Variants in COL5A2 observed in about 807,000 individuals in gnomAD.
The protein encoded by COL5A2 is collagen type V alpha 2 chain.
A neutral mutation model predicts 208.2 loss-of-function variants in COL5A2; 23 were observed. The observed-to-expected ratio is 0.11, with a 90% CI of 0.08 to 0.16. The LOEUF (loss-of-function observed/expected upper bound fraction) is 0.16, where lower values mean the gene tolerates loss of function less well. Ranked by LOEUF, COL5A2 falls within the 10% of genes least tolerant of loss-of-function variation. COL5A2 has a pLI of 1.00. For missense variants in COL5A2, 1,590 were observed against 1,956.4 expected (o/e 0.81, Z 3.53); for synonymous variants, 625 against 628.5 (o/e 0.99, Z 0.08).
chr2:189,408,020 T>C, the COL5A2 span, among the ~76,000 whole-genome samples: 1 of 152,200 alleles, frequency 6.6e-6, no homozygotes, highest in Non-Finnish European at 1.5e-5. Context: ...TACTTCAGGC[T>C]GTTCAAACCA....
intron 1 of COL5A2, among the ~76,000 whole-genome samples, chr2:189,142,224 T>C (rs1470180448): frequency 6.6e-6 from 1 of 152,050 alleles, no homozygotes; most frequent in Non-Finnish European, 1.5e-5. Context: ...AGATTACTCT[T>C]CGAACTAGGT....
chr2:189,202,970 A>AT (rs1035159863), intron 1 of COL5A2, among the ~76,000 whole-genome samples: 2 of 152,112 alleles, frequency 1.3e-5, no homozygotes, highest in Non-Finnish European at 2.9e-5. Flanking sequence ...TCCTCTAAGT[A>AT]TTTTTTCCTA....
At position 189,201,807 on chromosome 2, in the gene COL5A2, T is replaced by A. The variant is rs77187630; in HGVS notation, c.-42+23341A>T. 1.2e-3 allele frequency among the ~76,000 whole-genome samples: 181 copies of A among 151,964 alleles called. 1 individual carries two copies. Among genetic ancestry groups the A allele is most frequent in the African/African-American group, 4.2e-3 (175 of 41,536 alleles). ...CAATAAAAATCAGAAGGCAGTGGAA[T>A]TCTCAAGAGATATGCTTTAGGAAGA... On this transcript the variant is annotated intron_variant, in intron 1 of 10. Transcript: ENST00000649966.
chr2:189,293,902 G>A, the COL5A2 span, among the ~76,000 whole-genome samples: 4,968 of 152,122 alleles, frequency 0.033, 121 homozygotes, highest in Non-Finnish European at 0.052. Context: ...TGGCTAACAC[G>A]GTGAAACCCC....
At chr2:189,096,784 T>C (rs2105681787) in intron 6 of COL5A2, among the ~76,000 whole-genome samples, 1 of 152,330 alleles carries the variant, frequency 6.6e-6, no homozygotes, top group African/African-American at 2.4e-5. Context: ...TGTAAAGGTA[T>C]TTCACTTGTC....
chr2:189,168,099 G>A (rs1688503339), intron 1 of COL5A2, among the ~76,000 whole-genome samples: 1 of 151,926 alleles, frequency 6.6e-6, no homozygotes, highest in African/African-American at 2.4e-5. Flanking sequence ...CACCACGCCT[G>A]GCTAAATTTT....
rs13407402 is a variant in COL5A2, at chr2:189,158,132, A to G, written c.97+21376T>C. On this transcript the variant is annotated intron_variant, in intron 1 of 53. Coordinates refer to ENST00000374866, the MANE Select transcript of COL5A2 (RefSeq NM_000393.5). ...ATCAGTAGATGAGTTACTAAGAATC[A>G]TTACAGTAATAGCTACAGATATGTG... Among the ~76,000 whole-genome samples, 522 of 152,196 alleles carry G rather than the reference A, an allele frequency of 3.4e-3. 3 individuals carry two copies. Among genetic ancestry groups the G allele is most frequent in the African/African-American group, 0.012 (494 of 41,584 alleles).
At chr2:189,362,156 C>T in the COL5A2 span, among the ~76,000 whole-genome samples, 1 of 152,008 alleles carries the variant, frequency 6.6e-6, no homozygotes, top group East Asian at 1.9e-4. Flanking sequence ...AATGAGAAGA[C>T]AACAATTTTA....
chr2:189,322,090 C>T, the COL5A2 span, among the ~76,000 whole-genome samples: 5 of 152,094 alleles, frequency 3.3e-5, no homozygotes, highest in Admixed American at 6.6e-5. Flanking sequence ...GCGTACATAA[C>T]GAAATGAAGG....
At position 189,173,165 on chromosome 2, in the gene COL5A2, G is replaced by T. The variant is rs540039101; in HGVS notation, c.97+6343C>A. On this transcript the variant is annotated intron_variant, in intron 1 of 53. Coordinates refer to ENST00000374866, the MANE Select transcript of COL5A2 (RefSeq NM_000393.5). ...TTTTTTGTATTTTTAGTAGAGACAG[G>T]GTTTCACCATGATGGCCAGGCTGGT... Among the ~76,000 whole-genome samples the T allele has an allele frequency of 4.6e-4, 69 of 151,528 alleles. 1 individual carries two copies. Among genetic ancestry groups the T allele is most frequent in the South Asian group, 4.2e-3 (20 of 4,806 alleles).
intron 1 of COL5A2, among the ~76,000 whole-genome samples, chr2:189,207,541 T>C (rs1451631479): frequency 6.6e-6 from 1 of 152,180 alleles, no homozygotes; most frequent in East Asian, 1.9e-4. Flanking sequence ...TTTGCAAAGA[T>C]CAATAACCTG....
chr2:189,150,166 C>T (rs1688116668), intron 1 of COL5A2, among the ~76,000 whole-genome samples: 1 of 152,162 alleles, frequency 6.6e-6, no homozygotes, highest in Admixed American at 6.5e-5. Context: ...ATCAAACTAA[C>T]AGGCTCACAG....
At chr2:189,243,820 T>C in the COL5A2 span, among the ~76,000 whole-genome samples, 3 of 152,304 alleles carry the variant, frequency 2.0e-5, no homozygotes, top group East Asian at 5.8e-4. Context: ...GATAGTTACT[T>C]CCTAGATACA....
intron 1 of COL5A2, among the ~76,000 whole-genome samples, chr2:189,224,285 C>A (rs548029977): frequency 6.6e-6 from 1 of 152,228 alleles, no homozygotes; most frequent in South Asian, 2.1e-4. Context: ...AGTTAGTTCC[C>A]TGTCTTACCC....
the COL5A2 span, among the ~76,000 whole-genome samples, chr2:189,389,041 T>C: frequency 6.6e-6 from 1 of 152,156 alleles, no homozygotes; most frequent in South Asian, 2.1e-4. Context: ...GGTTCTAATG[T>C]TCTATTAGTC....
chr2:189,284,682 T>G, the COL5A2 span, among the ~76,000 whole-genome samples: 4 of 152,258 alleles, frequency 2.6e-5, no homozygotes, highest in South Asian at 8.3e-4. Flanking sequence ...ATTGACTAAT[T>G]GACTAATATA....
intron 1 of COL5A2, among the ~76,000 whole-genome samples, chr2:189,152,619 A>T (rs1688167244): frequency 1.3e-5 from 2 of 152,172 alleles, no homozygotes; most frequent in Non-Finnish European, 2.9e-5. Flanking sequence ...CCCTGGGAAA[A>T]TAGTTGCAGT....
At chr2:189,166,406 A>G (rs1688465366) in intron 1 of COL5A2, among the ~76,000 whole-genome samples, 1 of 152,074 alleles carries the variant, frequency 6.6e-6, no homozygotes, top group African/African-American at 2.4e-5. Context: ...AAATTATTCC[A>G]GTGAAATTGT....
At chr2:189,166,372 A>G (rs1185448952) in intron 1 of COL5A2, among the ~76,000 whole-genome samples, 1 of 152,012 alleles carries the variant, frequency 6.6e-6, no homozygotes, top group African/African-American at 2.4e-5. Flanking sequence ...AAGGGACATT[A>G]TGGGCAGAGA....
Sources: allele counts gnomAD v4.1 joint callset (sites outside exome capture counted in the v4.1 genomes callset), GRCh38; gene constraint gnomAD v4.1.1; transcripts MANE v1.5; gene names NCBI Gene and HGNC (gene_info 2026-07-23, HGNC 2026-07-21).